The following PRUNE2 variants were observed in gnomAD, a reference collection of about 807,000 sequenced individuals.
PRUNE2 encodes protein prune homolog 2.
In PRUNE2, 164 loss-of-function variants were observed where a neutral mutation model predicts 252.0. The ratio of observed to expected loss-of-function variants is 0.65; its 90% CI spans 0.57 to 0.74. PRUNE2 has a LOEUF of 0.74. PRUNE2 is among the 30% of genes least tolerant of loss of function. The pLI is 0.00. For synonymous variants in PRUNE2, 1,292 were observed against 1,350.2 expected (o/e 0.96, Z 0.94); for missense variants, 3,495 against 3,711.0 (o/e 0.94, Z 1.51).
In PRUNE2 at chr9:76,709,031, G is replaced by T; in HGVS notation, c.3243C>A (p.Asp1081Glu). ...CATTGTACAGTTGCATCATGCTGGG[G>T]TCGTCGTAACTGGACTGGCTGCTTT... ...VGESSQSSYD[D>E]PSMMQLYNET... Residue 1081 changes from aspartate (D) to glutamate (E), a missense_variant, in exon 8 of 19, where the codon GAC (aspartate) becomes GAA (glutamate). Transcript: ENST00000376718. The T allele has an allele frequency of 6.2e-7, 1 of 1,613,970 alleles. No homozygotes were observed. Among genetic ancestry groups the T allele is most frequent in the Non-Finnish European group, 8.5e-7 (1 of 1,179,894 alleles).
intron 1 of PRUNE2, among the ~76,000 whole-genome samples, chr9:76,891,968 C>G (rs557689675): frequency 6.6e-5 from 10 of 152,090 alleles, no homozygotes; most frequent in Non-Finnish European, 1.5e-4. Flanking sequence ...CTCCGAGTGA[C>G]CACACCGAGC....
intron 1 of PRUNE2, among the ~76,000 whole-genome samples, chr9:76,884,444 C>T (rs752217856): frequency 3.3e-5 from 5 of 152,082 alleles, no homozygotes; most frequent in Non-Finnish European, 7.4e-5. Flanking sequence ...ATACTATCCT[C>T]GTATTTTAAC....
At chr9:76,658,913 A>G (rs184839807) in intron 9 of PRUNE2, among the ~76,000 whole-genome samples, 1 of 152,342 alleles carries the variant, frequency 6.6e-6, no homozygotes, top group Admixed American at 6.5e-5. Flanking sequence ...AGTGCATGGT[A>G]GTATTGCACT....
chr9:76,804,112 A>C (rs2056761159), intron 6 of PRUNE2, among the ~76,000 whole-genome samples: 1 of 152,094 alleles, frequency 6.6e-6, no homozygotes, highest in East Asian at 1.9e-4. Context: ...CTAGTCTGAC[A>C]ATTTTTCCAG....
intron 6 of PRUNE2, among the ~76,000 whole-genome samples, chr9:76,773,537 G>A (rs550644015): frequency 4.0e-5 from 6 of 149,666 alleles, no homozygotes; most frequent in African/African-American, 1.2e-4. Flanking sequence ...TCCACCTCCC[G>A]GGTTCAAGGG....
chr9:76,719,385 T>C (rs1402621403), intron 6 of PRUNE2, among the ~76,000 whole-genome samples: 6 of 152,322 alleles, frequency 3.9e-5, no homozygotes, highest in South Asian at 4.1e-4. Flanking sequence ...TAAATAGATC[T>C]GAACTCATTA....
At chr9:76,654,323 CT>C (rs1311462878) in intron 10 of PRUNE2, among the ~76,000 whole-genome samples, 2 of 152,212 alleles carry the variant, frequency 1.3e-5, no homozygotes, top group African/African-American at 4.8e-5. Context: ...CACTGTTCCC[CT>C]GTCAGTCATT....
At chr9:76,806,777 C>A (rs1275256595) in intron 6 of PRUNE2, among the ~76,000 whole-genome samples, 2 of 151,822 alleles carry the variant, frequency 1.3e-5, no homozygotes, top group Non-Finnish European at 2.9e-5. Flanking sequence ...CTTAGCCTCC[C>A]AAAGTGCTGG....
At chr9:76,844,157 C>A (rs1384971434) in intron 4 of PRUNE2, among the ~76,000 whole-genome samples, 3 of 152,182 alleles carry the variant, frequency 2.0e-5, no homozygotes, top group African/African-American at 7.2e-5. Context: ...ATTTAACCAT[C>A]CTTTAGTTCC....
chr9:76,851,702 C>T (rs1009830743), intron 2 of PRUNE2, among the ~76,000 whole-genome samples: 3 of 152,084 alleles, frequency 2.0e-5, no homozygotes, highest in Non-Finnish European at 4.4e-5. Flanking sequence ...CCAGCTTCAG[C>T]CTACAGACTA....
chr9:76,644,900 G>T lies in PRUNE2; in HGVS notation c.8567C>A (p.Ala2856Asp). ...SFEYTGHDPT[A>D]NKDSGQESES... is the part of the protein sequence containing the mutation. ...TGACTCTTGGCCAGAATCTTTGTTG[G>T]CTGTGGGATCTTCTGGAAACAAAGC... Residue 2856 changes from alanine (A) to aspartate (D), a missense_variant, in exon 12 of 19, where the codon GCC becomes GAC. Physicochemically the swap from Ala to Asp is moderately radical, Grantham distance 126. Transcript: ENST00000376718. 6.2e-7 allele frequency: 1 copy of T among 1,613,328 alleles called. No individual in the cohort carries two copies. Among genetic ancestry groups the T allele is most frequent in the South Asian group, 1.1e-5 (1 of 90,982 alleles).
At chr9:76,731,245 TACAC>T (rs921317950) in intron 6 of PRUNE2, among the ~76,000 whole-genome samples, 1 of 149,930 alleles carries the variant, frequency 6.7e-6, no homozygotes, top group African/African-American at 2.4e-5. Context: ...AACACACACA[TACAC>T]ACACACACAC....
At chr9:76,754,062 T>C (rs1324118161) in intron 6 of PRUNE2, among the ~76,000 whole-genome samples, 1 of 152,158 alleles carries the variant, frequency 6.6e-6, no homozygotes, top group East Asian at 1.9e-4. Context: ...AGACTGAGAC[T>C]GGAACTCAAG....
intron 3 of PRUNE2, 136 bp downstream of exon 3, chr9:76,850,327 G>A (rs933025139): frequency 3.8e-5 from 27 of 703,098 alleles, no homozygotes; most frequent in Admixed American, 7.6e-5. Context: ...GATTATAGGC[G>A]TGAGCCACCA....
In PRUNE2 at chr9:76,613,485, A is replaced by T. The variant is rs200687761; in HGVS notation, c.*1085T>A. On this transcript the variant is annotated 3_prime_UTR_variant, in exon 19 of 19. Transcript: ENST00000376718. Reference sequence around the variant, plus strand: ...ATGTGTCATGAAATATTCAAAAAAAATTTTTCCAACCCAAAATGTAAAAAC... The same window carrying T: ...ATGTGTCATGAAATATTCAAAAAAATTTTTTCCAACCCAAAATGTAAAAAC... 6 of 152,254 alleles carry T rather than the reference A, an allele frequency of 3.9e-5. No individual in the cohort carries two copies. In the East Asian group the frequency reaches 1.2e-3, roughly 29 times the overall value. 9.4% of individuals were successfully genotyped at this position (152,254 alleles called of 1,614,324 possible).
chr9:76,719,459 A>G (rs1024181932), intron 6 of PRUNE2, among the ~76,000 whole-genome samples: 1 of 152,092 alleles, frequency 6.6e-6, no homozygotes, highest in Non-Finnish European at 1.5e-5. Context: ...ATATTTCCAA[A>G]TGGGCACTAT....
chr9:76,622,275 G>A (rs1236656535), intron 17 of PRUNE2, among the ~76,000 whole-genome samples: 2 of 152,010 alleles, frequency 1.3e-5, no homozygotes, highest in Non-Finnish European at 2.9e-5. Context: ...ATTGGGAGAG[G>A]GTAGGTAGGG....
intron 1 of PRUNE2, among the ~76,000 whole-genome samples, chr9:76,905,430 G>A (rs893543009): frequency 1.3e-5 from 2 of 152,210 alleles, no homozygotes; most frequent in Non-Finnish European, 2.9e-5. Flanking sequence ...AACTCCTGCA[G>A]TGGAGCAAGC....
At chr9:76,831,504 T>C (rs1456915156) in intron 4 of PRUNE2, among the ~76,000 whole-genome samples, 3 of 152,020 alleles carry the variant, frequency 2.0e-5, no homozygotes, top group South Asian at 2.1e-4. Context: ...ATATTATATA[T>C]GGATAATTAA....
Sources: allele counts gnomAD v4.1 joint callset (sites outside exome capture counted in the v4.1 genomes callset), GRCh38; gene constraint gnomAD v4.1.1; transcripts MANE v1.5; gene names NCBI Gene and HGNC (gene_info 2026-07-23, HGNC 2026-07-21).